MELK: variants seen among roughly 807,000 people sequenced by gnomAD.
The protein encoded by MELK is pEg3 kinase.
A neutral mutation model predicts 85.0 loss-of-function variants in MELK; 81 were observed. The observed-to-expected ratio is 0.95, with a 90% CI of 0.80 to 1.15. The LOEUF is 1.15. Ranked by LOEUF, MELK falls within the 50% of genes most tolerant of loss-of-function variation. The pLI is 0.00. For synonymous variants in MELK, 252 were observed against 265.0 expected, an observed-to-expected ratio of 0.95 and a Z score of 0.48; for missense variants, 754 against 777.5, an observed-to-expected ratio of 0.97 and a Z score of 0.36.
At chr9:36,594,821 G>A (rs542689246) in intron 5 of MELK, 50 bp downstream of exon 5, 3 of 1,549,552 alleles carry the variant, frequency 1.9e-6, no homozygotes, top group South Asian at 2.5e-5. Flanking sequence ...TCATTTACCT[G>A]TTATTTTTAG....
At chr9:36,593,361 C>A (rs887254811) in intron 4 of MELK, among the ~76,000 whole-genome samples, 1 of 151,924 alleles carries the variant, frequency 6.6e-6, no homozygotes, top group Non-Finnish European at 1.5e-5. Context: ...AGGGCAGAGC[C>A]CTTATGAATG....
chr9:36,580,173 C>T (rs1271585972), intron 1 of MELK, among the ~76,000 whole-genome samples: 9 of 151,114 alleles, frequency 6.0e-5, no homozygotes, highest in South Asian at 2.1e-4. Flanking sequence ...GAACTACAGG[C>T]GCGTGCCACC....
chr9:36,630,642 T>TATTG (rs141676240), intron 9 of MELK, among the ~76,000 whole-genome samples: 19 of 152,250 alleles, frequency 1.2e-4, no homozygotes, highest in East Asian at 5.8e-4. Flanking sequence ...ATTCCAAAAT[T>TATTG]ATTGATTGAT....
At chr9:36,616,077 GGC>G (rs1423105197) in intron 8 of MELK, among the ~76,000 whole-genome samples, 5 of 152,138 alleles carry the variant, frequency 3.3e-5, no homozygotes, top group African/African-American at 1.2e-4. Flanking sequence ...GGCGCTCGCC[GGC>G]GCGGTGGCAA....
intron 8 of MELK, among the ~76,000 whole-genome samples, chr9:36,611,784 ATTATT>A (rs1190237695): frequency 1.5e-4 from 23 of 149,844 alleles, no homozygotes; most frequent in Admixed American, 1.5e-3. Flanking sequence ...TATTATTATT[ATTATT>A]TTGAGATGGC....
chr9:36,655,718 C>A (rs183439295), intron 12 of MELK, among the ~76,000 whole-genome samples: 61 of 152,318 alleles, frequency 4.0e-4, no homozygotes, highest in Admixed American at 4.0e-3. Context: ...ATTCGTACAG[C>A]ACTGTACTTC....
At chr9:36,615,131 C>T (rs1826492009) in intron 8 of MELK, among the ~76,000 whole-genome samples, 1 of 145,082 alleles carries the variant, frequency 6.9e-6, no homozygotes, top group Admixed American at 6.7e-5. Flanking sequence ...CTCCTCACTT[C>T]CCAGTAGGGG....
chr9:36,589,309 C>T (rs558140184), intron 3 of MELK, among the ~76,000 whole-genome samples: 8 of 152,164 alleles, frequency 5.3e-5, no homozygotes, highest in East Asian at 1.9e-4. Flanking sequence ...CCACCACGCC[C>T]GGCTAATTTT....
At chr9:36,650,624 G>A (rs1237510018) in intron 11 of MELK, among the ~76,000 whole-genome samples, 1 of 152,192 alleles carries the variant, frequency 6.6e-6, no homozygotes, top group Non-Finnish European at 1.5e-5. Context: ...TATCAGACAT[G>A]CAAGATCTCA....
intron 13 of MELK, among the ~76,000 whole-genome samples, chr9:36,659,747 C>T (rs1238794210): frequency 1.3e-5 from 2 of 152,172 alleles, no homozygotes; most frequent in Admixed American, 6.5e-5. Flanking sequence ...TGTATAAAAC[C>T]TCAAGGTCAG....
intron 11 of MELK, among the ~76,000 whole-genome samples, chr9:36,646,444 G>T (rs1047217317): frequency 2.2e-4 from 33 of 152,166 alleles, no homozygotes; most frequent in African/African-American, 7.7e-4. Context: ...CAACTTATAA[G>T]AACTCCCACT....
At chr9:36,592,593 CAT>C (rs1823744654) in intron 4 of MELK, among the ~76,000 whole-genome samples, 3 of 152,090 alleles carry the variant, frequency 2.0e-5, no homozygotes, top group Non-Finnish European at 2.9e-5. Context: ...CTTACACACA[CAT>C]GGTGTGACAC....
chr9:36,659,124 G>A (rs1349435643), intron 13 of MELK, among the ~76,000 whole-genome samples: 5 of 151,854 alleles, frequency 3.3e-5, no homozygotes, highest in African/African-American at 7.3e-5. Flanking sequence ...CTTGTGATCC[G>A]CCCGCCTCGG....
intron 10 of MELK, among the ~76,000 whole-genome samples, chr9:36,634,860 G>A (rs1402143662): frequency 6.6e-6 from 1 of 152,050 alleles, no homozygotes; most frequent in Non-Finnish European, 1.5e-5. Flanking sequence ...AGCTGGGCGT[G>A]GTGGCACACA....
intron 8 of MELK, among the ~76,000 whole-genome samples, chr9:36,608,272 T>A (rs1387740172): frequency 1.9e-5 from 2 of 105,034 alleles, no homozygotes; most frequent in African/African-American, 4.4e-5. Context: ...AGCAAGACTC[T>A]GTCTCAAAAA....
At chr9:36,633,691 A>G (rs1472870507) in intron 10 of MELK, among the ~76,000 whole-genome samples, 1 of 152,228 alleles carries the variant, frequency 6.6e-6, no homozygotes, top group African/African-American at 2.4e-5. Context: ...AAATATTTTT[A>G]TGAAGAATAA....
At chr9:36,657,130 C>T in intron 12 of MELK, 111 bp from the exon 13 acceptor site, 1 of 1,232,364 alleles carries the variant, frequency 8.1e-7, no homozygotes, top group Non-Finnish European at 1.1e-6. Context: ...GATAAAATTG[C>T]CTAATACATT....
intron 7 of MELK, among the ~76,000 whole-genome samples, chr9:36,602,524 G>T (rs1367478402): frequency 6.8e-6 from 1 of 146,576 alleles, no homozygotes; most frequent in Non-Finnish European, 1.5e-5. Context: ...TCACATGCTG[G>T]ATACCTTTAA....
intron 7 of MELK, among the ~76,000 whole-genome samples, chr9:36,602,487 C>CAAAA (rs765623860): frequency 0.024 from 1,001 of 41,108 alleles, 63 homozygotes; most frequent in African/African-American, 0.082. Flanking sequence ...AAGACTGTCT[C>CAAAA]AAAAAAAAAA....
Sources: gnomAD v4.1 joint callset for allele counts (sites outside exome capture counted in the v4.1 genomes callset) on GRCh38, gnomAD v4.1.1 for gene constraint, MANE v1.5 for transcripts, NCBI Gene and HGNC (gene_info 2026-07-23, HGNC 2026-07-21) for gene names.